TMC1: variants seen among roughly 807,000 people sequenced by gnomAD.
The protein encoded by TMC1 is transmembrane channel-like protein 1.
In TMC1, 84 loss-of-function variants were observed where a neutral mutation model predicts 105.8. The ratio of observed to expected loss-of-function variants is 0.79; its 90% confidence interval spans 0.67 to 0.95. The LOEUF (loss-of-function observed/expected upper bound fraction) is 0.95. TMC1 is among the 40% of genes least tolerant of loss of function. TMC1 has a pLI of 0.00. For missense variants in TMC1, 817 were observed against 914.1 expected (o/e 0.89, Z 1.37); for synonymous variants, 315 against 311.5 (o/e 1.01, Z -0.12).
chr9:72,573,167 A>G (rs1824316599), intron 1 of TMC1, among the ~76,000 whole-genome samples: 1 of 152,080 alleles, frequency 6.6e-6, no homozygotes, highest in African/African-American at 2.4e-5. Flanking sequence ...CTTTGACCAC[A>G]TGATATGTGC....
chr9:72,590,163 G>A (rs897514912), intron 2 of TMC1, among the ~76,000 whole-genome samples: 1 of 152,096 alleles, frequency 6.6e-6, no homozygotes, highest in East Asian at 1.9e-4. Flanking sequence ...GAGAAGCTTG[G>A]ATTCAAATGA....
intron 8 of TMC1, among the ~76,000 whole-genome samples, chr9:72,701,788 C>G (rs1292358031): frequency 6.6e-6 from 1 of 152,102 alleles, no homozygotes; most frequent in Non-Finnish European, 1.5e-5. Flanking sequence ...GCGCTTGAAG[C>G]GTAGCCATCA....
intron 1 of TMC1, among the ~76,000 whole-genome samples, chr9:72,528,027 T>G (rs569844256): frequency 1.5e-4 from 23 of 152,176 alleles, no homozygotes; most frequent in Non-Finnish European, 3.1e-4. Flanking sequence ...TTTATTTCTC[T>G]CCACCCCGCC....
At chr9:72,633,558 C>G (rs548481750) in intron 4 of TMC1, among the ~76,000 whole-genome samples, 1 of 152,108 alleles carries the variant, frequency 6.6e-6, no homozygotes. Flanking sequence ...TGATTTTGAC[C>G]TTAATTTTCT....
chr9:72,797,777 C>G (rs1370437037), intron 17 of TMC1, among the ~76,000 whole-genome samples: 5 of 152,066 alleles, frequency 3.3e-5, no homozygotes, highest in Admixed American at 1.3e-4. Context: ...AGGAGAAAAT[C>G]TAGGCAATAT....
chr9:72,523,350 G>A (rs1247693498), intron 1 of TMC1, among the ~76,000 whole-genome samples: 1 of 152,088 alleles, frequency 6.6e-6, no homozygotes, highest in Non-Finnish European at 1.5e-5. Flanking sequence ...CCCTTGCGTA[G>A]TCAAAAATCT....
chr9:72,742,405 G>C, intron 9 of TMC1, 39 bp from the exon 10 acceptor site: 1 of 1,510,258 alleles, frequency 6.6e-7, no homozygotes, highest in South Asian at 1.1e-5. Flanking sequence ...GACAAATCAA[G>C]AGGTTGGACT....
intron 2 of TMC1, among the ~76,000 whole-genome samples, chr9:72,601,916 T>C (rs1024170049): frequency 2.6e-5 from 4 of 152,318 alleles, no homozygotes; most frequent in African/African-American, 9.6e-5. Flanking sequence ...TTTGAAATAT[T>C]GGCATGTATC....
chr9:72,551,111 T>C (rs1003265582), intron 1 of TMC1, among the ~76,000 whole-genome samples: 7 of 152,104 alleles, frequency 4.6e-5, no homozygotes, highest in African/African-American at 1.7e-4. Context: ...TGACCTTAAA[T>C]TGGAAAAGAC....
At chr9:72,559,162 T>C (rs529290770) in intron 1 of TMC1, among the ~76,000 whole-genome samples, 3 of 152,044 alleles carry the variant, frequency 2.0e-5, no homozygotes, top group African/African-American at 7.2e-5. Context: ...TGGCGCAATC[T>C]TGGCTCACTG....
chr9:72,805,336 T>C lies in TMC1; in HGVS notation c.1567-46T>C, dbSNP rs1415353704. On this transcript the variant is annotated intron_variant, in intron 17 of 23. Transcript: ENST00000297784. ...AGATTTAATACCAACACTAGGACCATTTGAAGACAGAACTGTGTGTTTTAA... is the reference window on the plus strand; with the variant it reads ...AGATTTAATACCAACACTAGGACCACTTGAAGACAGAACTGTGTGTTTTAA... 3.7e-6 allele frequency: 6 copies of C among 1,607,576 alleles called. No individual in the cohort carries two copies. The African/African-American group carries it at 5.4e-5, about 14-fold the overall frequency.
intron 2 of TMC1, among the ~76,000 whole-genome samples, chr9:72,592,521 T>G (rs1006984942): frequency 6.6e-6 from 1 of 152,202 alleles, no homozygotes; most frequent in Admixed American, 6.5e-5. Context: ...CTCTCCCTCC[T>G]CCTTCAGAAT....
chr9:72,556,808 G>T (rs1304338136), intron 1 of TMC1, among the ~76,000 whole-genome samples: 2 of 151,952 alleles, frequency 1.3e-5, no homozygotes, highest in Non-Finnish European at 2.9e-5. Flanking sequence ...GAGATAGAGC[G>T]AGACTCTGTC....
intron 2 of TMC1, among the ~76,000 whole-genome samples, chr9:72,604,020 C>T (rs998792746): frequency 6.6e-6 from 1 of 151,972 alleles, no homozygotes; most frequent in Non-Finnish European, 1.5e-5. Context: ...GTGCCCACCA[C>T]CATGCCTGGC....
intron 13 of TMC1, among the ~76,000 whole-genome samples, chr9:72,775,734 G>A (rs1044479866): frequency 5.3e-5 from 8 of 152,156 alleles, no homozygotes; most frequent in Non-Finnish European, 8.8e-5. Context: ...TTGGCTCACA[G>A]TCTACAGACT....
At chr9:72,675,603 T>TG (rs1410553597) in intron 5 of TMC1, among the ~76,000 whole-genome samples, 2 of 152,184 alleles carry the variant, frequency 1.3e-5, no homozygotes, top group Non-Finnish European at 2.9e-5. Flanking sequence ...CTCTGCATGA[T>TG]GTAATAGTTA....
At chr9:72,655,529 T>C (rs530803903) in intron 5 of TMC1, among the ~76,000 whole-genome samples, 25 of 152,190 alleles carry the variant, frequency 1.6e-4, no homozygotes, top group African/African-American at 6.0e-4. Context: ...CTTTGGCAGG[T>C]CAAGAGATCG....
Position 72,570,676 on chromosome 9 carries a change from CTTTTTTTTTTTT to C in TMC1, c.-427-7207_-427-7196del, listed in dbSNP as rs529953890. ...AGAAATCTACACTTTGCCAAATTTCCTTTTTTTTTTTTTTTTTTTTTTTTTTTTTTGAGACAG... is the reference window on the plus strand; with the variant it reads ...AGAAATCTACACTTTGCCAAATTTCCTTTTTTTTTTTTTTTTTTGAGACAG... On this transcript the variant is annotated intron_variant, in intron 1 of 23. Coordinates refer to ENST00000297784, the MANE Select transcript of TMC1 (RefSeq NM_138691.3). Among the ~76,000 whole-genome samples, 20 of 75,648 alleles carry C rather than the reference CTTTTTTTTTTTT, an allele frequency of 2.6e-4. 1 individual carries two copies. The highest frequency in any genetic ancestry group is 0.023 in the Middle Eastern group (2 of 86). 49.6% of individuals were successfully genotyped at this position (75,648 alleles called of 152,430 possible). A position where few individuals can be genotyped will look rare whatever the true frequency, so the allele number is the denominator to read the frequency against.
rs1198676130 is a variant in TMC1 at position 72,627,320 on chromosome 9, C to T, written c.-195-601C>T. 4.6e-5 allele frequency among the ~76,000 whole-genome samples: 7 copies of T among 152,230 alleles called. 1 individual carries two copies. Among genetic ancestry groups the T allele is most frequent in the South Asian group, 4.2e-4 (2 of 4,810 alleles). On this transcript the variant is annotated intron_variant, in intron 3 of 23. Coordinates refer to ENST00000297784, the MANE Select transcript of TMC1 (RefSeq NM_138691.3). The stretch of plus-strand genomic sequence containing the variant: ...TTGTCAGGGGTCCTGATCTAGTTCA[C>T]CCTCCTGGGAGGCTGGTGTGGGACC...
Sources: allele counts gnomAD v4.1 joint callset (sites outside exome capture counted in the v4.1 genomes callset), GRCh38; gene constraint gnomAD v4.1.1; transcripts MANE v1.5; gene names NCBI Gene and HGNC (gene_info 2026-07-23, HGNC 2026-07-21).